IMMP2L: variants seen among roughly 807,000 people sequenced by gnomAD.
The protein encoded by IMMP2L is inner mitochondrial membrane peptidase subunit 2, also known as mitochondrial inner membrane protease subunit 2.
In IMMP2L, 18 loss-of-function variants were observed where a neutral mutation model predicts 19.3. That is an observed-to-expected ratio of 0.93 (90% CI 0.64 to 1.38). The LOEUF is 1.38. IMMP2L is among the 40% of genes most tolerant of loss of function. The pLI is 0.00. For missense variants in IMMP2L, 233 were observed against 218.2 expected (o/e 1.07, Z -0.43); for synonymous variants, 76 against 73.0 (o/e 1.04, Z -0.21).
intron 5 of IMMP2L, among the ~76,000 whole-genome samples, chr7:110,828,289 T>C (rs2131371018): frequency 6.6e-6 from 1 of 152,302 alleles, no homozygotes; most frequent in East Asian, 1.9e-4. Flanking sequence ...GGCCATAGTT[T>C]GCTGACTCCT....
At chr7:111,098,780 C>G (rs1003881469) in intron 3 of IMMP2L, among the ~76,000 whole-genome samples, 1 of 151,630 alleles carries the variant, frequency 6.6e-6, no homozygotes, top group Non-Finnish European at 1.5e-5. Flanking sequence ...ATGAAGAACA[C>G]GAAAAGGAAC....
At chr7:110,718,165 T>A (rs928253498) in intron 5 of IMMP2L, among the ~76,000 whole-genome samples, 2 of 152,180 alleles carry the variant, frequency 1.3e-5, no homozygotes, top group African/African-American at 4.8e-5. Context: ...ATTTATGATA[T>A]AAGGTGGTGA....
intron 4 of IMMP2L, among the ~76,000 whole-genome samples, chr7:110,908,942 G>T (rs1014068689): frequency 1.3e-5 from 2 of 152,166 alleles, no homozygotes; most frequent in African/African-American, 2.4e-5. Flanking sequence ...CATTAATCAA[G>T]TAATCATTTA....
chr7:110,757,270 A>G lies in IMMP2L; in HGVS notation c.409-93549T>C, dbSNP rs1269814093. ...GAGTCACTGAGGGAACCACATCCAG[A>G]AGGGCTTCGTATTTGGTTTAATACT... On this transcript the variant is annotated intron_variant, in intron 5 of 5. Transcript: ENST00000405709. This position sits in a 1 kb window ranked among gnomAD's most constrained non-coding sequence, Gnocchi z 4.2. Among the ~76,000 whole-genome samples, 4 of 152,002 alleles carry G rather than the reference A, an allele frequency of 2.6e-5. No homozygotes were observed. Among genetic ancestry groups the G allele is most frequent in the Admixed American group, 1.3e-4 (2 of 15,230 alleles).
At chr7:110,857,524 T>C (rs1806921914) in intron 5 of IMMP2L, among the ~76,000 whole-genome samples, 1 of 152,136 alleles carries the variant, frequency 6.6e-6, no homozygotes, top group East Asian at 1.9e-4. Context: ...CTGAGACTAG[T>C]TGCATTAGAA....
chr7:111,485,620 A>AAC (rs1842587867), intron 3 of IMMP2L, among the ~76,000 whole-genome samples: 1 of 150,164 alleles, frequency 6.7e-6, no homozygotes, highest in Non-Finnish European at 1.5e-5. Flanking sequence ...AAAAAAAAAA[A>AAC]AAAAACACAG....
At chr7:110,862,837 A>G (rs1242930952) in intron 5 of IMMP2L, among the ~76,000 whole-genome samples, 2 of 152,028 alleles carry the variant, frequency 1.3e-5, no homozygotes, top group Admixed American at 6.6e-5. Flanking sequence ...TTTCTCTAGA[A>G]CAAAGAGCAA....
intron 4 of IMMP2L, among the ~76,000 whole-genome samples, chr7:110,950,843 T>C (rs1230123284): frequency 3.5e-5 from 4 of 113,424 alleles, no homozygotes; most frequent in African/African-American, 8.4e-5. Context: ...AAATGTGGCA[T>C]ATATATATAT....
intron 5 of IMMP2L, among the ~76,000 whole-genome samples, chr7:110,845,974 T>C: frequency 6.6e-6 from 1 of 152,148 alleles, no homozygotes; most frequent in East Asian, 1.9e-4. Flanking sequence ...AGCACACTCA[T>C]CTTGTACTTT....
intron 2 of IMMP2L, among the ~76,000 whole-genome samples, chr7:111,520,071 G>A (rs1453413616): frequency 6.6e-6 from 1 of 152,048 alleles, no homozygotes; most frequent in Non-Finnish European, 1.5e-5. Context: ...AGACAAGGCT[G>A]CTAGGAATTC....
intron 1 of IMMP2L, among the ~76,000 whole-genome samples, chr7:111,555,204 T>C (rs906992087): frequency 1.3e-5 from 2 of 152,146 alleles, no homozygotes; most frequent in South Asian, 2.1e-4. Context: ...TCCATTCTCC[T>C]AGCAGACACT....
At chr7:111,415,056 G>A (rs1010598134) in intron 3 of IMMP2L, among the ~76,000 whole-genome samples, 19 of 151,838 alleles carry the variant, frequency 1.3e-4, no homozygotes, top group Middle Eastern at 3.2e-3. Context: ...AGTTGTCTTC[G>A]AGTTTGTCAA....
intron 3 of IMMP2L, among the ~76,000 whole-genome samples, chr7:111,367,359 A>G (rs925435103): frequency 6.6e-6 from 1 of 151,950 alleles, no homozygotes; most frequent in African/African-American, 2.4e-5. Flanking sequence ...CCGGAGTAAC[A>G]ATCATTAATT....
At chr7:111,179,581 C>T (rs1335528228) in intron 3 of IMMP2L, among the ~76,000 whole-genome samples, 1 of 151,912 alleles carries the variant, frequency 6.6e-6, no homozygotes, top group African/African-American at 2.4e-5. Flanking sequence ...CTTAAGGGCC[C>T]TAGGATTTTT....
intron 5 of IMMP2L, among the ~76,000 whole-genome samples, chr7:110,755,009 T>C (rs1797957803): frequency 6.6e-6 from 1 of 151,990 alleles, no homozygotes; most frequent in Non-Finnish European, 1.5e-5. Flanking sequence ...ATGCTTGAAC[T>C]GAAAGAGGTT....
At chr7:111,291,084 C>A (rs2129667170) in intron 3 of IMMP2L, among the ~76,000 whole-genome samples, 1 of 152,136 alleles carries the variant, frequency 6.6e-6, no homozygotes, top group East Asian at 1.9e-4. Flanking sequence ...TAATTAGAAA[C>A]CACTCCCTCC....
intron 3 of IMMP2L, among the ~76,000 whole-genome samples, chr7:111,342,049 T>C (rs912418448): frequency 3.3e-5 from 5 of 152,136 alleles, no homozygotes; most frequent in Non-Finnish European, 5.9e-5. Context: ...TAGGCTGTTA[T>C]AGCGGCACAA....
At chr7:111,038,596 GT>G (rs1791579384) in intron 3 of IMMP2L, among the ~76,000 whole-genome samples, 1 of 152,100 alleles carries the variant, frequency 6.6e-6, no homozygotes, top group South Asian at 2.1e-4. Context: ...AGGAGTTCTG[GT>G]TTGTTCAGTA....
rs533385082 is a variant in IMMP2L at position 111,156,165 on chromosome 7, G to A, written c.240-192600C>T. 5.3e-5 allele frequency among the ~76,000 whole-genome samples: 8 copies of A among 152,008 alleles called. No homozygotes were observed. In the South Asian group the frequency reaches 1.7e-3, roughly 32 times the overall value. On this transcript the variant is annotated intron_variant, in intron 3 of 5. Transcript: ENST00000405709. ...AAATAATACTGTTGTAGACACTCTT[G>A]TATAGATTTTTTGGTATAATTACAC...
Sources: allele counts gnomAD v4.1 joint callset (sites outside exome capture counted in the v4.1 genomes callset), GRCh38; gene constraint gnomAD v4.1.1; non-coding constraint Gnocchi (gnomAD v3.1); transcripts MANE v1.5; gene names NCBI Gene and HGNC (gene_info 2026-07-23, HGNC 2026-07-21).